The following MGAT5 variants were observed in gnomAD, a reference collection of about 807,000 sequenced individuals.
The protein encoded by MGAT5 is alpha-1,6-mannosylglycoprotein 6-beta-N-acetylglucosaminyltransferase.
A neutral mutation model predicts 94.3 loss-of-function variants in MGAT5; 30 were observed. That is an observed-to-expected ratio of 0.32 (90% confidence interval 0.24 to 0.43). The LOEUF is 0.43. Ranked by LOEUF, MGAT5 falls within the 20% of genes least tolerant of loss-of-function variation. The probability of loss-of-function intolerance (pLI) is 1.00; values close to 1 mark genes in which losing one functional copy is unlikely to be tolerated. For missense variants in MGAT5, 691 were observed against 905.5 expected (o/e 0.76, Z 3.04); for synonymous variants, 310 against 322.9 (o/e 0.96, Z 0.43).
intron 1 of MGAT5, among the ~76,000 whole-genome samples, chr2:134,143,447 A>G (rs1686755244): frequency 6.6e-6 from 1 of 152,226 alleles, no homozygotes; most frequent in South Asian, 2.1e-4. Context: ...ATTTTGTAAC[A>G]GGGAGCTTTG....
chr2:134,264,728 A>G (rs1683583452), intron 1 of MGAT5, among the ~76,000 whole-genome samples: 1 of 152,214 alleles, frequency 6.6e-6, no homozygotes. Flanking sequence ...GTCAATGGAA[A>G]TAAGAGGTTG....
chr2:134,391,627 C>G (rs1490684349), intron 10 of MGAT5, among the ~76,000 whole-genome samples: 2 of 152,202 alleles, frequency 1.3e-5, no homozygotes, highest in Non-Finnish European at 2.9e-5. Flanking sequence ...CTTGTGACCT[C>G]TTTACTTCCC....
intron 2 of MGAT5, among the ~76,000 whole-genome samples, chr2:134,284,183 G>T (rs1230097058): frequency 6.6e-6 from 1 of 152,180 alleles, no homozygotes; most frequent in Non-Finnish European, 1.5e-5. Flanking sequence ...TGGTTCTCCA[G>T]ATTTATCTCA....
intron 2 of MGAT5, among the ~76,000 whole-genome samples, chr2:134,289,469 A>C (rs929781707): frequency 6.6e-6 from 1 of 152,128 alleles, no homozygotes; most frequent in Non-Finnish European, 1.5e-5. Context: ...TGTTGTGTGC[A>C]TGTAGATGTT....
intron 1 of MGAT5, among the ~76,000 whole-genome samples, chr2:134,160,891 C>T (rs1446911039): frequency 1.3e-5 from 2 of 152,226 alleles, no homozygotes. Flanking sequence ...GGGTAATGGT[C>T]CAGCTGCTCT....
chr2:134,129,486 TC>T lies in MGAT5; in HGVS notation c.-143+9197del, dbSNP rs1021355501. 3.9e-5 allele frequency among the ~76,000 whole-genome samples: 6 copies of T among 152,162 alleles called. 1 individual carries two copies. The highest frequency in any genetic ancestry group is 3.9e-4 in the Admixed American group (6 of 15,280). On this transcript the variant is annotated intron_variant, in intron 1 of 16. Transcript: ENST00000409645. Reference sequence around the variant, plus strand: ...GGGGCCCCTTTTCTGCCTACCACAGTCCTCAAAACTCCAAATAAGGAACTGG... The same window carrying T: ...GGGGCCCCTTTTCTGCCTACCACAGTCTCAAAACTCCAAATAAGGAACTGG...
chr2:134,344,321 G>A (rs554601843), intron 7 of MGAT5, among the ~76,000 whole-genome samples: 8 of 152,134 alleles, frequency 5.3e-5, no homozygotes, highest in South Asian at 2.1e-4. Flanking sequence ...ATGGTCAAGC[G>A]AGGAGGAAAA....
intron 1 of MGAT5, among the ~76,000 whole-genome samples, chr2:134,168,258 G>A (rs1233197391): frequency 6.6e-6 from 1 of 152,162 alleles, no homozygotes; most frequent in Non-Finnish European, 1.5e-5. Context: ...GACGACCTCT[G>A]TTTTAGACAC....
At position 134,448,963 on chromosome 2, in the gene MGAT5, C is replaced by A; in HGVS notation, c.*116C>A. ...ACTCTGGCAAGAGCCTGAACTTTTTCGTAGAAGGTTCTGAATTGGCATTGC... is the reference window on the plus strand; with the variant it reads ...ACTCTGGCAAGAGCCTGAACTTTTTAGTAGAAGGTTCTGAATTGGCATTGC... On this transcript the variant is annotated 3_prime_UTR_variant, in exon 16 of 16. Coordinates refer to ENST00000281923, the MANE Select transcript of MGAT5 (RefSeq NM_002410.5). 9.2e-7 allele frequency: 1 copy of A among 1,088,348 alleles called. No individual in the cohort carries two copies. Among genetic ancestry groups the A allele is most frequent in the African/African-American group, 1.6e-5 (1 of 63,618 alleles). The allele number at this position is 1,088,348 out of a possible 1,614,324, so 67.4% of individuals were successfully genotyped here.
At chr2:134,172,670 G>A (rs926009249) in intron 1 of MGAT5, among the ~76,000 whole-genome samples, 2 of 152,198 alleles carry the variant, frequency 1.3e-5, no homozygotes, top group Non-Finnish European at 1.5e-5. Context: ...ACAGGTGTGA[G>A]CCACCATGCC....
intron 1 of MGAT5, among the ~76,000 whole-genome samples, chr2:134,172,240 C>T (rs1688244956): frequency 6.6e-6 from 1 of 152,162 alleles, no homozygotes; most frequent in Non-Finnish European, 1.5e-5. Context: ...GCCCACTGAA[C>T]TGGAGCGTGT....
intron 2 of MGAT5, among the ~76,000 whole-genome samples, chr2:134,315,569 A>C (rs1331085278): frequency 6.6e-6 from 1 of 152,242 alleles, no homozygotes; most frequent in African/African-American, 2.4e-5. Flanking sequence ...GTGTCTGTGC[A>C]TTTGAAATGC....
intron 10 of MGAT5, among the ~76,000 whole-genome samples, chr2:134,369,478 C>T (rs1449184977): frequency 1.3e-5 from 2 of 152,148 alleles, no homozygotes; most frequent in Admixed American, 1.3e-4. Flanking sequence ...TCAGTTTCCT[C>T]ACTTGCATAA....
Position 134,235,203 on chromosome 2 carries a change from C to T in MGAT5, c.-142-19059C>T, listed in dbSNP as rs560462860. 1.5e-3 allele frequency among the ~76,000 whole-genome samples: 221 copies of T among 152,246 alleles called. 1 individual carries two copies. Among genetic ancestry groups the T allele is most frequent in the African/African-American group, 5.0e-3 (208 of 41,540 alleles). On this transcript the variant is annotated intron_variant, in intron 1 of 16. Transcript: ENST00000409645. ...CAGCCCCTGTCTCCCCTGCCATGCT[C>T]CCCGACCTCATACCTGTTTCTCTTC...
intron 14 of MGAT5, among the ~76,000 whole-genome samples, chr2:134,438,974 T>A (rs923907056): frequency 1.3e-5 from 2 of 152,192 alleles, no homozygotes; most frequent in Non-Finnish European, 2.9e-5. Context: ...AGCATTTTGC[T>A]CATTAACCAC....
chr2:134,391,083 G>T (rs1301465275), intron 10 of MGAT5, among the ~76,000 whole-genome samples: 2 of 152,148 alleles, frequency 1.3e-5, no homozygotes, highest in African/African-American at 2.4e-5. Flanking sequence ...TTGGAATCAA[G>T]TAAGAGGAGG....
chr2:134,384,522 G>A (rs1681845488), intron 10 of MGAT5, among the ~76,000 whole-genome samples: 1 of 152,088 alleles, frequency 6.6e-6, no homozygotes, highest in Non-Finnish European at 1.5e-5. Flanking sequence ...GTAAAACAAA[G>A]TCTCAGTTAA....
rs1574138923 is a variant in MGAT5, at chr2:134,454,164, T to TTGA, written c.*5320_*5322dup. ...GCTTATGTGGTGGGCAGGGCCACTG[T>TTGA]TGATGGAGGATGGCGGGGACGGGGT... On this transcript the variant is annotated 3_prime_UTR_variant, in exon 16 of 16. Transcript: ENST00000281923. 6.6e-6 allele frequency: 1 copy of TTGA among 152,242 alleles called. No homozygotes were observed. The highest frequency in any genetic ancestry group is 1.5e-5 in the Non-Finnish European group (1 of 68,106). The allele number at this position is 152,242 out of a possible 1,614,324, so 9.4% of individuals were successfully genotyped here. A position where few individuals can be genotyped will look rare whatever the true frequency, so the allele number is the denominator to read the frequency against.
chr2:134,190,128 C>T (rs1441216988), intron 1 of MGAT5, among the ~76,000 whole-genome samples: 4 of 152,162 alleles, frequency 2.6e-5, no homozygotes, highest in Admixed American at 6.5e-5. Flanking sequence ...TGAATAAATG[C>T]ACCCCAACTT....
Sources: allele counts gnomAD v4.1 joint callset (sites outside exome capture counted in the v4.1 genomes callset), GRCh38; gene constraint gnomAD v4.1.1; transcripts MANE v1.5; gene names NCBI Gene and HGNC (gene_info 2026-07-23, HGNC 2026-07-21).